The following BFSP1 variants were observed in gnomAD, a reference collection of about 807,000 sequenced individuals.
BFSP1 encodes the protein beaded filament structural protein 1, also known as filensin.
Under a neutral mutation model 43.9 loss-of-function variants are expected in BFSP1, and 38 were observed. That is an observed-to-expected ratio of 0.87 (90% CI 0.67 to 1.14). The LOEUF (loss-of-function observed/expected upper bound fraction) is 1.14, where lower values mean the gene tolerates loss of function less well. Ranked by LOEUF, BFSP1 falls within the 50% of genes most tolerant of loss-of-function variation. The pLI, the probability that BFSP1 is intolerant of heterozygous loss-of-function variation, is 0.00. For synonymous variants in BFSP1, 352 were observed against 354.8 expected (o/e 0.99, Z 0.09); for missense variants, 850 against 875.1 (o/e 0.97, Z 0.36).
intron 2 of BFSP1, 62 bp from the exon 3 acceptor site, chr20:17,514,878 C>A: frequency 6.7e-7 from 1 of 1,483,142 alleles, no homozygotes; most frequent in Non-Finnish European, 9.4e-7. Context: ...TAAAGCTGGC[C>A]GGGTATATGA....
At chr20:17,540,026 T>C (rs2034691268) in intron 1 of BFSP1, among the ~76,000 whole-genome samples, 3 of 152,176 alleles carry the variant, frequency 2.0e-5, no homozygotes, top group African/African-American at 7.2e-5. Flanking sequence ...GAGTATACTA[T>C]ACATTTTAAG....
intron 2 of BFSP1, among the ~76,000 whole-genome samples, chr20:17,519,993 T>C (rs2034282997): frequency 6.6e-6 from 1 of 152,220 alleles, no homozygotes. Flanking sequence ...TCATCTAGAT[T>C]TTTCTGAATT....
At chr20:17,551,962 G>A (rs1456721304) in intron 1 of BFSP1, among the ~76,000 whole-genome samples, 1 of 152,088 alleles carries the variant, frequency 6.6e-6, no homozygotes, top group Non-Finnish European at 1.5e-5. Context: ...TCCAGCCTAG[G>A]CGACAACAGC....
chr20:17,519,505 C>G (rs138926048), intron 2 of BFSP1, among the ~76,000 whole-genome samples: 2 of 152,214 alleles, frequency 1.3e-5, no homozygotes, highest in Admixed American at 6.5e-5. Context: ...TCATTGAACT[C>G]GTGAATGGAA....
At chr20:17,546,632 G>A (rs918987735) in intron 1 of BFSP1, among the ~76,000 whole-genome samples, 4 of 151,958 alleles carry the variant, frequency 2.6e-5, no homozygotes, top group African/African-American at 9.7e-5. Context: ...AACCCGGGAG[G>A]TGGAGGTTGC....
Position 17,497,629 on chromosome 20 carries a change from CATATAT to C in BFSP1, c.957-612_957-607del, listed in dbSNP as rs767629987. On this transcript the variant is annotated intron_variant, in intron 6 of 7. Coordinates refer to ENST00000377873, the MANE Select transcript of BFSP1 (RefSeq NM_001195.5). ...ATACGTATATATACATATACACACA[CATATAT>C]ACATATATACATATATCTACTCATA... Among the ~76,000 whole-genome samples, 15 of 141,240 alleles carry C rather than the reference CATATAT, an allele frequency of 1.1e-4. No individual in the cohort carries two copies. The East Asian group carries it at 1.2e-3, about 12-fold the overall frequency. The allele number at this position is 141,240 out of a possible 152,430, so 92.7% of individuals were successfully genotyped here. A position where few individuals can be genotyped will look rare whatever the true frequency, so the allele number is the denominator to read the frequency against.
intron 1 of BFSP1, among the ~76,000 whole-genome samples, chr20:17,529,020 A>C (rs1449223179): frequency 2.0e-5 from 3 of 151,972 alleles, no homozygotes; most frequent in Non-Finnish European, 4.4e-5. Context: ...TTTAAAATTC[A>C]TTTATGTAAT....
chr20:17,566,828 A>G (rs1257507220), intron 1 of BFSP1, among the ~76,000 whole-genome samples: 1 of 151,986 alleles, frequency 6.6e-6, no homozygotes, highest in Non-Finnish European at 1.5e-5. Context: ...TGATTTTTGT[A>G]TTTTTAGTAG....
intron 4 of BFSP1, 143 bp from the exon 5 acceptor site, chr20:17,509,139 T>A (rs570368894): frequency 3.3e-6 from 2 of 599,460 alleles, no homozygotes; most frequent in East Asian, 6.9e-5. Context: ...AAGATGAAGG[T>A]TTTAGGAGAC....
chr20:17,496,794 G>A, intron 7 of BFSP1, 144 bp downstream of exon 7: 1 of 726,272 alleles, frequency 1.4e-6, no homozygotes, highest in Non-Finnish European at 2.1e-6. Flanking sequence ...AGAGGGCAGA[G>A]GGTGGGAAGG....
upstream of BFSP1, among the ~76,000 whole-genome samples, chr20:17,536,193 C>T (rs2034625989): frequency 6.6e-6 from 1 of 152,138 alleles, no homozygotes; most frequent in South Asian, 2.1e-4. Context: ...TTTAGCAGTA[C>T]AAAAATATCA....
chr20:17,528,869 T>C lies in BFSP1; in HGVS notation c.377+2084A>G, dbSNP rs191610778. ...AGATTGAGAAACTGGAACTCAAACA[T>C]AGAGCAGGTTTACAGAAATCCTCTG... is the stretch of plus-strand genomic sequence containing the variant. On this transcript the variant is annotated intron_variant, in intron 1 of 7. Coordinates refer to ENST00000377873, the MANE Select transcript of BFSP1 (RefSeq NM_001195.5). Among the ~76,000 whole-genome samples the C allele has an allele frequency of 7.8e-3, 1,186 of 152,190 alleles. 7 individuals carry two copies. The highest frequency in any genetic ancestry group is 0.017 in the South Asian group (81 of 4,822).
At chr20:17,568,522 G>T (rs1481585942) in intron 1 of BFSP1, among the ~76,000 whole-genome samples, 1 of 152,106 alleles carries the variant, frequency 6.6e-6, no homozygotes, top group African/African-American at 2.4e-5. Flanking sequence ...TCACCTAGGA[G>T]TTGTTAGAAA....
At chr20:17,505,431 C>T (rs1449753663) in intron 5 of BFSP1, among the ~76,000 whole-genome samples, 2 of 152,238 alleles carry the variant, frequency 1.3e-5, no homozygotes, top group Non-Finnish European at 2.9e-5. Context: ...ACGACCCCTG[C>T]TGTGGAGAGT....
upstream of BFSP1, among the ~76,000 whole-genome samples, chr20:17,536,226 T>C (rs1225876006): frequency 6.6e-6 from 1 of 152,214 alleles, no homozygotes. Context: ...ATATGCCAGG[T>C]TTAATGTTCA....
At chr20:17,531,820 CT>C (rs560470133), upstream of BFSP1, among the ~76,000 whole-genome samples, 174 of 148,794 alleles carry the variant, frequency 1.2e-3, no homozygotes, top group African/African-American at 3.9e-3. Context: ...TTAAGCAATT[CT>C]TTTTTTTTTC....
chr20:17,496,633 T>G (rs773931103), intron 7 of BFSP1, among the ~76,000 whole-genome samples: 1 of 152,200 alleles, frequency 6.6e-6, no homozygotes, highest in Non-Finnish European at 1.5e-5. Context: ...AAATGCCTTG[T>G]GTTGCAAAAG....
At chr20:17,548,411 C>G (rs1449203982) in intron 1 of BFSP1, among the ~76,000 whole-genome samples, 1 of 152,166 alleles carries the variant, frequency 6.6e-6, no homozygotes, top group East Asian at 1.9e-4. Flanking sequence ...CTTAAACTGG[C>G]TTTGCTGAAA....
In BFSP1 at chr20:17,495,040, A is replaced by G; in HGVS notation, c.1043-11T>C. On this transcript the variant is annotated splice_polypyrimidine_tract_variant and intron_variant, in intron 7 of 7. Coordinates refer to ENST00000377873, the MANE Select transcript of BFSP1 (RefSeq NM_001195.5). ...GAGCTCTGGTAAGATCTGGAAAAACACACAGGCAGAAATTCAAGTATAATT... is the reference window on the plus strand; with the variant it reads ...GAGCTCTGGTAAGATCTGGAAAAACGCACAGGCAGAAATTCAAGTATAATT... 6.3e-7 allele frequency: 1 copy of G among 1,585,804 alleles called. No individual in the cohort carries two copies.
Sources: allele counts gnomAD v4.1 joint callset (sites outside exome capture counted in the v4.1 genomes callset), GRCh38; gene constraint gnomAD v4.1.1; transcripts MANE v1.5; gene names NCBI Gene and HGNC (gene_info 2026-07-23, HGNC 2026-07-21).